Variants in BOD1 observed in about 807,000 individuals in gnomAD.
BOD1 encodes biorientation of chromosomes in cell division protein 1.
A neutral mutation model predicts 15.7 loss-of-function variants in BOD1; 11 were observed. The ratio of observed to expected loss-of-function variants is 0.70; its 90% CI spans 0.44 to 1.16. BOD1 has a LOEUF of 1.16. Among genes scored for constraint, BOD1 ranks in the 50% most tolerant of loss-of-function variants. The pLI is 0.00. For missense variants in BOD1, 182 were observed against 244.5 expected, an observed-to-expected ratio of 0.74 and a Z score of 1.70; for synonymous variants, 105 against 103.5, an observed-to-expected ratio of 1.01 and a Z score of -0.09.
intron 1 of BOD1, among the ~76,000 whole-genome samples, chr5:173,615,219 T>C (rs963779820): frequency 2.0e-5 from 3 of 152,358 alleles, no homozygotes; most frequent in African/African-American, 4.8e-5. Context: ...TACCACCTGG[T>C]TTATTTACAT....
rs1006725895 is a variant in BOD1 at position 173,607,837 on chromosome 5, G to A, written c.*457C>T. The A allele has an allele frequency of 6.1e-6, 1 of 162,686 alleles. No individual in the cohort carries two copies. Among genetic ancestry groups the A allele is most frequent in the Non-Finnish European group, 1.3e-5 (1 of 74,448 alleles). 10.1% of individuals were successfully genotyped at this position (162,686 alleles called of 1,614,324 possible). ...ACAATCTGGTTTGCAAACTCTGAGAGACAGTATCAAATAAGCACTGTCAAA... is the reference window on the plus strand; with the variant it reads ...ACAATCTGGTTTGCAAACTCTGAGAAACAGTATCAAATAAGCACTGTCAAA... On this transcript the variant is annotated 3_prime_UTR_variant, in exon 4 of 4. Coordinates refer to ENST00000311086, the MANE Select transcript of BOD1 (RefSeq NM_138369.3).
chr5:173,609,262 C>T lies in BOD1; in HGVS notation c.535G>A (p.Ala179Thr). ...CCTTAGGAAGTGTCCTGAGATGGAG[C>T]TGGAGGGTCCTGGCCTTCGGGCTCT... ...PPEPEGQDPPAPSQDTS is the reference protein window; with the variant it reads ...PPEPEGQDPPTPSQDTS Residue 179 changes from alanine to threonine, a missense_variant, in exon 3 of 4, where the codon GCT becomes ACT. Physicochemically the swap from Ala to Thr is moderately conservative, Grantham distance 58. Around this residue, in one of 3 missense-constraint regions of BOD1, gnomAD observed 40 missense variants for 45.3 expected, o/e 0.88. Coordinates refer to ENST00000311086, the MANE Select transcript of BOD1 (RefSeq NM_138369.3). 3 of 1,614,058 alleles carry T rather than the reference C, an allele frequency of 1.9e-6. No homozygotes were observed. Among genetic ancestry groups the T allele is most frequent in the Non-Finnish European group, 2.5e-6 (3 of 1,179,966 alleles).
intron 1 of BOD1, among the ~76,000 whole-genome samples, chr5:173,613,854 T>G (rs1459549812): frequency 1.3e-5 from 2 of 152,192 alleles, no homozygotes; most frequent in Admixed American, 1.3e-4. Context: ...ACAGATACCA[T>G]GTGCTATCTG....
chr5:173,612,432 G>C (rs1490430868), intron 2 of BOD1, among the ~76,000 whole-genome samples: 1 of 152,160 alleles, frequency 6.6e-6, no homozygotes, highest in Admixed American at 6.5e-5. Flanking sequence ...GCTGTTGCAC[G>C]TGAGCACAGC....
At position 173,613,214 on chromosome 5, in the gene BOD1, C is replaced by T. The variant is rs757630381; in HGVS notation, c.279G>A (p.Val93=). 6.2e-7 allele frequency: 1 copy of T among 1,614,146 alleles called. No individual in the cohort carries two copies. Among genetic ancestry groups the T allele is most frequent in the Non-Finnish European group, 8.5e-7 (1 of 1,179,976 alleles). ...ATTCCTGCTTGTCCAGATGTGTTGA[C>T]ACAAAATTATCCACTTTCTGCCTCA... ...QNLRQKVDNF[V]STHLDKQEWN... Residue 93 remains valine (V), a synonymous_variant, in exon 2 of 4, where the codon GTG becomes GTA. Coordinates refer to ENST00000311086, the MANE Select transcript of BOD1 (RefSeq NM_138369.3).
At chr5:173,613,407 G>A in intron 1 of BOD1, 152 bp from the exon 2 acceptor site, 3 of 936,044 alleles carry the variant, frequency 3.2e-6, no homozygotes, top group Non-Finnish European at 4.8e-6. Flanking sequence ...TGGCAGTCAG[G>A]AATTAATGGT....
rs1284158167 is a variant in BOD1 at position 173,607,263 on chromosome 5, T to C, written c.*1031A>G. ...TCAGAAATATGCATTTTCCCTTAAA[T>C]CCCCAGGTGCTACTTCTGCACACAC... is the stretch of plus-strand genomic sequence containing the variant. On this transcript the variant is annotated 3_prime_UTR_variant, in exon 4 of 4. Transcript: ENST00000311086. Among the ~76,000 whole-genome samples the C allele has an allele frequency of 6.6e-6, 1 of 152,130 alleles. No homozygotes were observed. Among genetic ancestry groups the C allele is most frequent in the African/African-American group, 2.4e-5 (1 of 41,410 alleles).
At chr5:173,608,350 CT>C (rs1376953139) in intron 3 of BOD1, 58 bp from the exon 4 acceptor site, 1 of 1,269,968 alleles carries the variant, frequency 7.9e-7, no homozygotes, top group African/African-American at 1.7e-5. Flanking sequence ...ACTATATTCA[CT>C]TTTATGTTCC....
At chr5:173,615,305 C>T (rs1466591756) in intron 1 of BOD1, among the ~76,000 whole-genome samples, 2 of 152,208 alleles carry the variant, frequency 1.3e-5, no homozygotes, top group Non-Finnish European at 2.9e-5. Context: ...AGCTTGGCAA[C>T]TAGAGGCCAA....
chr5:173,609,745 A>G, intron 2 of BOD1: 1 of 296,294 alleles, frequency 3.4e-6, no homozygotes, highest in Non-Finnish European at 6.4e-6. Flanking sequence ...ATGGTGAGAA[A>G]GAGTTTGACA....
chr5:173,612,380 C>A (rs2113334824), intron 2 of BOD1, among the ~76,000 whole-genome samples: 1 of 152,340 alleles, frequency 6.6e-6, no homozygotes, highest in Non-Finnish European at 1.5e-5. Flanking sequence ...GTTACACTTG[C>A]ACTTATTTGT....
At chr5:173,612,176 T>C (rs1276407605) in intron 2 of BOD1, among the ~76,000 whole-genome samples, 1 of 152,248 alleles carries the variant, frequency 6.6e-6, no homozygotes, top group Non-Finnish European at 1.5e-5. Context: ...TACTAGCTTG[T>C]TAGTAAAACA....
Position 173,608,038 on chromosome 5 carries a change from C to T in BOD1, c.*256G>A. The stretch of plus-strand genomic sequence containing the variant: ...ACAACCCTGGGTTGCTGTAGTGTTT[C>T]TCTCTCTGTAGTGTCTACTTGGTGT... On this transcript the variant is annotated 3_prime_UTR_variant, in exon 4 of 4. Coordinates refer to ENST00000311086, the MANE Select transcript of BOD1 (RefSeq NM_138369.3). 1 of 466,192 alleles carries T rather than the reference C, an allele frequency of 2.1e-6. No individual in the cohort carries two copies. Among genetic ancestry groups the T allele is most frequent in the South Asian group, 2.8e-5 (1 of 35,618 alleles). 28.9% of individuals were successfully genotyped at this position (466,192 alleles called of 1,614,324 possible).
At chr5:173,614,033 A>T (rs564709189) in intron 1 of BOD1, among the ~76,000 whole-genome samples, 1 of 152,368 alleles carries the variant, frequency 6.6e-6, no homozygotes, top group South Asian at 2.1e-4. Flanking sequence ...TGTAAAATGT[A>T]ATCAAGAGAT....
At chr5:173,611,726 T>C (rs1308912000) in intron 2 of BOD1, among the ~76,000 whole-genome samples, 3 of 152,254 alleles carry the variant, frequency 2.0e-5, no homozygotes. Flanking sequence ...TTCACTGAAC[T>C]TCTGTGCACT....
chr5:173,614,446 G>A (rs746026637), intron 1 of BOD1, among the ~76,000 whole-genome samples: 2 of 152,212 alleles, frequency 1.3e-5, no homozygotes, highest in Non-Finnish European at 2.9e-5. Context: ...ACGTTTTACT[G>A]TACTACCAAC....
Position 173,616,635 on chromosome 5 carries a change from T to C in BOD1, c.-199A>G, listed in dbSNP as rs886311233. On this transcript the variant is annotated 5_prime_UTR_variant, in exon 1 of 4. Transcript: ENST00000311086. ...CCCTCTGATACAGCAGAGGTTGTGGTGGACGCGGCAGAAACGGCCTGCTCG... is the reference window on the plus strand; with the variant it reads ...CCCTCTGATACAGCAGAGGTTGTGGCGGACGCGGCAGAAACGGCCTGCTCG... 3.0e-6 allele frequency: 4 copies of C among 1,314,484 alleles called. No individual in the cohort carries two copies. Among genetic ancestry groups the C allele is most frequent in the African/African-American group, 3.1e-5 (2 of 64,310 alleles). The allele number at this position is 1,314,484 out of a possible 1,614,324, so 81.4% of individuals were successfully genotyped here.
chr5:173,611,169 T>C (rs1042205605), intron 2 of BOD1, among the ~76,000 whole-genome samples: 6 of 152,216 alleles, frequency 3.9e-5, no homozygotes, highest in Admixed American at 3.3e-4. Context: ...GAGGAAAACA[T>C]AAAATCTTGT....
At chr5:173,612,983 A>C in intron 2 of BOD1, 148 bp downstream of exon 2, 1 of 1,115,090 alleles carries the variant, frequency 9.0e-7, no homozygotes. Context: ...TTTAACCTTA[A>C]TTATAACAAA....
Sources: gnomAD v4.1 joint callset for allele counts (sites outside exome capture counted in the v4.1 genomes callset) on GRCh38, gnomAD v4.1.1 for gene constraint, gnomAD v4.1.1 regional missense constraint, MANE v1.5 for transcripts, NCBI Gene and HGNC (gene_info 2026-07-23, HGNC 2026-07-21) for gene names.